The following BRIP1 variants were observed in gnomAD, a reference collection of about 807,000 sequenced individuals.
BRIP1 encodes Fanconi anemia group J protein.
BRIP1 carries 88 observed loss-of-function variants against 119.7 expected under a neutral mutation model. The ratio of observed to expected loss-of-function variants is 0.74; its 90% CI spans 0.62 to 0.88. BRIP1 has a LOEUF of 0.88. Ranked by LOEUF, BRIP1 falls within the 40% of genes least tolerant of loss-of-function variation. The pLI is 0.00. For synonymous variants in BRIP1, 443 were observed against 496.5 expected, an observed-to-expected ratio of 0.89 and a Z score of 1.43; for missense variants, 1,259 against 1,455.4, an observed-to-expected ratio of 0.87 and a Z score of 2.20.
At position 61,815,950 on chromosome 17, in the gene BRIP1, GCA is replaced by G. The variant is rs376713919; in HGVS notation, c.628-7195_628-7194del. Reference sequence around the variant, plus strand: ...GCCCGTTGTGCAAAATCTCACATTAGCACACACTCTAGTAAGATAGCAAAAGT... The same window carrying G: ...GCCCGTTGTGCAAAATCTCACATTAGCACACTCTAGTAAGATAGCAAAAGT... On this transcript the variant is annotated intron_variant, in intron 6 of 19. Transcript: ENST00000259008. This position sits in a 1 kb window ranked among gnomAD's most constrained non-coding sequence, Gnocchi z 4.1. Among the ~76,000 whole-genome samples the G allele has an allele frequency of 9.1e-4, 139 of 152,234 alleles. No individual in the cohort carries two copies. Among genetic ancestry groups the G allele is most frequent in the African/African-American group, 2.7e-3 (112 of 41,544 alleles).
intron 4 of BRIP1, among the ~76,000 whole-genome samples, chr17:61,850,965 C>A (rs1414303684): frequency 6.6e-6 from 1 of 152,074 alleles, no homozygotes; most frequent in Non-Finnish European, 1.5e-5. Context: ...CGGTGGCTCA[C>A]ACCTGTAATC....
At chr17:61,765,867 A>G (rs1232661021) in intron 14 of BRIP1, among the ~76,000 whole-genome samples, 1 of 151,882 alleles carries the variant, frequency 6.6e-6, no homozygotes, top group Admixed American at 6.6e-5. Flanking sequence ...ACACAGAGCA[A>G]AAAACAACTT....
intron 4 of BRIP1, among the ~76,000 whole-genome samples, chr17:61,855,265 T>C (rs931701175): frequency 6.6e-6 from 1 of 152,142 alleles, no homozygotes; most frequent in South Asian, 2.1e-4. Flanking sequence ...TGGAGGTACA[T>C]ATGTCAAAAT....
rs1426447981 is a variant in BRIP1, at chr17:61,861,746, T to C, written c.-30-177A>G. Among the ~76,000 whole-genome samples, 1 of 152,198 alleles carries C rather than the reference T, an allele frequency of 6.6e-6. No homozygotes were observed. The stretch of plus-strand genomic sequence containing the variant: ...AATCACAGCGGTCAAGAGCATGTCT[T>C]AGAGTCTAACAAATCTAGATTTGTA... On this transcript the variant is annotated intron_variant, in intron 1 of 19. Coordinates refer to ENST00000259008, the MANE Select transcript of BRIP1 (RefSeq NM_032043.3). The surrounding 1 kb of genome is among the most constrained non-coding windows in gnomAD (Gnocchi z 4.5).
intron 16 of BRIP1, among the ~76,000 whole-genome samples, chr17:61,733,359 A>AT (rs1205520967): frequency 1.3e-5 from 2 of 151,874 alleles, no homozygotes; most frequent in East Asian, 1.9e-4. Flanking sequence ...CTCAAAAAAA[A>AT]TTTTTTTTTA....
rs369153270 is a variant in BRIP1, at chr17:61,801,242, C to T, written c.1140+11G>A. 5.2e-5 allele frequency: 84 copies of T among 1,600,130 alleles called. No homozygotes were observed. The highest frequency in any genetic ancestry group is 1.7e-4 in the Middle Eastern group (1 of 6,054). ...TAGGAAGAAGGTTCTCATTTTTACA[C>T]ATATACTCACACTTTCCCTTATTTG... On this transcript the variant is annotated intron_variant, in intron 8 of 19. Coordinates refer to ENST00000259008, the MANE Select transcript of BRIP1 (RefSeq NM_032043.3).
At position 61,705,058 on chromosome 17, in the gene BRIP1, T is replaced by C. The variant is rs1178113214; in HGVS notation, c.2492+10893A>G. ...CCCAGAAAGCAAGCATAGAACACAATAGGTAGTTTTTCAACCCTTGCTTCC... is the reference window on the plus strand; with the variant it reads ...CCCAGAAAGCAAGCATAGAACACAACAGGTAGTTTTTCAACCCTTGCTTCC... On this transcript the variant is annotated intron_variant, in intron 17 of 19. Transcript: ENST00000259008. The surrounding 1 kb of genome is among the most constrained non-coding windows in gnomAD (Gnocchi z 5.0). 1.3e-5 allele frequency among the ~76,000 whole-genome samples: 2 copies of C among 152,104 alleles called. No homozygotes were observed. The highest frequency in any genetic ancestry group is 4.8e-5 in the African/African-American group (2 of 41,430).
rs2077082663 is a variant in BRIP1, at chr17:61,748,065, C to G, written c.2098-3474G>C. Among the ~76,000 whole-genome samples, 1 of 151,976 alleles carries G rather than the reference C, an allele frequency of 6.6e-6. No homozygotes were observed. The highest frequency in any genetic ancestry group is 2.1e-4 in the South Asian group (1 of 4,808). ...CTATGAAACATTTAAAGCAGGGGTC[C>G]CCAACCCCCAGGCCACAGAATACTG... On this transcript the variant is annotated intron_variant, in intron 14 of 19. Coordinates refer to ENST00000259008, the MANE Select transcript of BRIP1 (RefSeq NM_032043.3). This position sits in a 1 kb window ranked among gnomAD's most constrained non-coding sequence, Gnocchi z 4.7.
intron 14 of BRIP1, among the ~76,000 whole-genome samples, chr17:61,772,497 T>C (rs1018059239): frequency 3.4e-4 from 51 of 152,136 alleles, no homozygotes; most frequent in African/African-American, 1.2e-3. Context: ...TTGTCTAACA[T>C]TGTGAATGTA....
intron 17 of BRIP1, among the ~76,000 whole-genome samples, chr17:61,707,864 T>G (rs2061716067): frequency 6.6e-6 from 1 of 151,402 alleles, no homozygotes; most frequent in Admixed American, 6.6e-5. Flanking sequence ...TTTTTTTTTT[T>G]GAGAAGGAGT....
intron 6 of BRIP1, among the ~76,000 whole-genome samples, chr17:61,818,614 A>G (rs117622721): frequency 0.011 from 1,617 of 152,318 alleles, 17 homozygotes; most frequent in Middle Eastern, 0.017. Flanking sequence ...GTCACACCAG[A>G]GGCCCCAAAG....
rs1420801923 is a variant in BRIP1, at chr17:61,701,961, G to C, written c.2493-8449C>G. ...GGCTATTGGTTTTTAAGGCTATTGT[G>C]AACTTGGAGAGAGGTGAGAACAGAG... On this transcript the variant is annotated intron_variant, in intron 17 of 19. Coordinates refer to ENST00000259008, the MANE Select transcript of BRIP1 (RefSeq NM_032043.3). This position sits in a 1 kb window ranked among gnomAD's most constrained non-coding sequence, Gnocchi z 5.1. Among the ~76,000 whole-genome samples the C allele has an allele frequency of 2.0e-5, 3 of 152,154 alleles. No homozygotes were observed. Among genetic ancestry groups the C allele is most frequent in the Admixed American group, 2.0e-4 (3 of 15,276 alleles).
Position 61,744,571 on chromosome 17 carries a change from T to C in BRIP1, c.2118A>G (p.Glu706=). 1 of 1,613,636 alleles carries C rather than the reference T, an allele frequency of 6.2e-7. No homozygotes were observed. Among genetic ancestry groups the C allele is most frequent in the Non-Finnish European group, 8.5e-7 (1 of 1,179,636 alleles). The change falls in exon 15 of 20, where the codon GAA becomes GAG. Residue 706 remains glutamate (E), a synonymous_variant. Transcript: ENST00000259008. The surrounding 1 kb of genome is among the most constrained non-coding windows in gnomAD (Gnocchi z 5.0). Reference sequence around the variant, plus strand: ...GCCATAAACCAGTAGAGAGCCAACGTTCTTTTAATTTTTCTAATAACTAAA... The same window carrying C: ...GCCATAAACCAGTAGAGAGCCAACGCTCTTTTAATTTTTCTAATAACTAAA... ...PSYKLLEKLK[E]RWLSTGLWHN... is the part of the protein sequence containing the mutation.
chr17:61,722,827 T>G lies in BRIP1; in HGVS notation c.2380-6764A>C, dbSNP rs2062003862. ...TTCTGTATGGCTACATTGTTTTAAT[T>G]TATTGCAAATTTTCAAACACCTTTT... On this transcript the variant is annotated intron_variant, in intron 16 of 19. Coordinates refer to ENST00000259008, the MANE Select transcript of BRIP1 (RefSeq NM_032043.3). This position sits in a 1 kb window ranked among gnomAD's most constrained non-coding sequence, Gnocchi z 4.6. Among the ~76,000 whole-genome samples, 1 of 152,212 alleles carries G rather than the reference T, an allele frequency of 6.6e-6. No individual in the cohort carries two copies. Among genetic ancestry groups the G allele is most frequent in the Non-Finnish European group, 1.5e-5 (1 of 68,026 alleles).
At position 61,780,770 on chromosome 17, in the gene BRIP1, G is replaced by A. The variant is rs1252522645; in HGVS notation, c.1794+70C>T. ...ACAACAAACAACTATCTTTAAAAGA[G>A]TCAACCACATTTATTAAAATGCTGG... On this transcript the variant is annotated intron_variant, in intron 12 of 19. Transcript: ENST00000259008. The surrounding 1 kb of genome is among the most constrained non-coding windows in gnomAD (Gnocchi z 5.4). The A allele has an allele frequency of 6.7e-7, 1 of 1,501,624 alleles. No individual in the cohort carries two copies. Among genetic ancestry groups the A allele is most frequent in the African/African-American group, 1.4e-5 (1 of 72,394 alleles). 93.0% of individuals were successfully genotyped at this position (1,501,624 alleles called of 1,614,324 possible).
At position 61,806,601 on chromosome 17, in the gene BRIP1, A is replaced by T. The variant is rs1416230783; in HGVS notation, c.918+1866T>A. On this transcript the variant is annotated intron_variant, in intron 7 of 19. Transcript: ENST00000259008. This position sits in a 1 kb window ranked among gnomAD's most constrained non-coding sequence, Gnocchi z 4.9. ...ATAAAAACGTAACCAGCACTGTAGG[A>T]TTCTAGGTTACACAAAATGAAACTG... is the stretch of plus-strand genomic sequence containing the variant. 6.6e-6 allele frequency among the ~76,000 whole-genome samples: 1 copy of T among 152,208 alleles called. No homozygotes were observed. Among genetic ancestry groups the T allele is most frequent in the African/African-American group, 2.4e-5 (1 of 41,438 alleles).
Position 61,767,271 on chromosome 17 carries a change from C to G in BRIP1, c.2097+9130G>C, listed in dbSNP as rs1354772344. 2.0e-5 allele frequency among the ~76,000 whole-genome samples: 3 copies of G among 151,836 alleles called. No individual in the cohort carries two copies. Among genetic ancestry groups the G allele is most frequent in the Non-Finnish European group, 4.4e-5 (3 of 67,946 alleles). On this transcript the variant is annotated intron_variant, in intron 14 of 19. Coordinates refer to ENST00000259008, the MANE Select transcript of BRIP1 (RefSeq NM_032043.3). The surrounding 1 kb of genome is among the most constrained non-coding windows in gnomAD (Gnocchi z 5.7). ...CCACTAAAATGTATGGTTTGAAAAA[C>G]TTTAGACATATATTTTTCTTTTTTA...
rs1487271462 is a variant in BRIP1 at position 61,751,652 on chromosome 17, T to C, written c.2098-7061A>G. Among the ~76,000 whole-genome samples the C allele has an allele frequency of 1.3e-5, 2 of 152,174 alleles. No homozygotes were observed. The highest frequency in any genetic ancestry group is 2.4e-5 in the African/African-American group (1 of 41,444). On this transcript the variant is annotated intron_variant, in intron 14 of 19. Transcript: ENST00000259008. The surrounding 1 kb of genome is among the most constrained non-coding windows in gnomAD (Gnocchi z 6.7). ...AAATACAGATAGATAACAAATATGA[T>C]TTCATTTATATAAAGTTCAAAAACA...
intron 16 of BRIP1, among the ~76,000 whole-genome samples, chr17:61,737,048 A>G (rs2076927999): frequency 6.6e-6 from 1 of 152,178 alleles, no homozygotes; most frequent in Non-Finnish European, 1.5e-5. Context: ...GATAGTTATA[A>G]TCCCCAAGGT....
Sources: gnomAD v4.1 joint callset for allele counts (sites outside exome capture counted in the v4.1 genomes callset) on GRCh38, gnomAD v4.1.1 for gene constraint, Gnocchi (gnomAD v3.1) non-coding constraint, MANE v1.5 for transcripts, NCBI Gene and HGNC (gene_info 2026-07-23, HGNC 2026-07-21) for gene names.